SDK1: variants seen among roughly 807,000 people sequenced by gnomAD.
SDK1 encodes the protein sidekick cell adhesion molecule 1.
Under a neutral mutation model 245.5 loss-of-function variants are expected in SDK1, and 157 were observed. The ratio of observed to expected loss-of-function variants is 0.64; its 90% CI spans 0.56 to 0.73. The LOEUF is 0.73. Ranked by LOEUF, SDK1 falls within the 30% of genes least tolerant of loss-of-function variation. The pLI, the probability that SDK1 is intolerant of heterozygous loss-of-function variation, is 0.00. For missense variants in SDK1, 3,583 were observed against 3,002.3 expected, an observed-to-expected ratio of 1.19 and a Z score of -4.52; for synonymous variants, 1,647 against 1,278.5, an observed-to-expected ratio of 1.29 and a Z score of -6.15.
chr7:4,021,449 C>G (rs1786887334), intron 17 of SDK1, among the ~76,000 whole-genome samples: 1 of 152,144 alleles, frequency 6.6e-6, no homozygotes, highest in African/African-American at 2.4e-5. Flanking sequence ...GTGACAGGAG[C>G]TTAAACAAGA....
chr7:4,163,664 G>A (rs934056286), intron 32 of SDK1, among the ~76,000 whole-genome samples: 2 of 152,310 alleles, frequency 1.3e-5, no homozygotes, highest in South Asian at 4.1e-4. Context: ...TGGGCCGGGA[G>A]AGAGACGTGC....
At chr7:3,931,387 TC>T (rs1374179559) in intron 5 of SDK1, among the ~76,000 whole-genome samples, 1 of 152,200 alleles carries the variant, frequency 6.6e-6, no homozygotes, top group Non-Finnish European at 1.5e-5. Flanking sequence ...TTTTAGATGA[TC>T]AATTTCTTAT....
intron 42 of SDK1, among the ~76,000 whole-genome samples, chr7:4,238,485 C>T (rs1216299288): frequency 6.6e-6 from 1 of 151,968 alleles, no homozygotes; most frequent in East Asian, 1.9e-4. Context: ...ATCACCTGAG[C>T]CTAGGAGATC....
At chr7:4,148,134 C>T (rs1000604067) in intron 29 of SDK1, among the ~76,000 whole-genome samples, 2 of 152,094 alleles carry the variant, frequency 1.3e-5, no homozygotes, top group Non-Finnish European at 2.9e-5. Context: ...AAACGGGATA[C>T]GCTGGGCCAC....
At chr7:3,862,280 C>A (rs1011523210) in intron 5 of SDK1, among the ~76,000 whole-genome samples, 8 of 152,140 alleles carry the variant, frequency 5.3e-5, no homozygotes, top group Non-Finnish European at 7.4e-5. Context: ...GGAAGCAGGG[C>A]GCTAGTACCT....
intron 1 of SDK1, among the ~76,000 whole-genome samples, chr7:3,558,655 G>C (rs1779661044): frequency 6.6e-6 from 1 of 152,180 alleles, no homozygotes; most frequent in East Asian, 1.9e-4. Context: ...GCGACCGCTG[G>C]GATCCAGCAG....
intron 1 of SDK1, among the ~76,000 whole-genome samples, chr7:3,535,859 A>T (rs1314149116): frequency 6.6e-6 from 1 of 152,172 alleles, no homozygotes; most frequent in Non-Finnish European, 1.5e-5. Context: ...ATATTTGCAC[A>T]TAAATCATTA....
At chr7:3,754,601 C>T (rs6957538) in intron 4 of SDK1, among the ~76,000 whole-genome samples, 2 of 151,472 alleles carry the variant, frequency 1.3e-5, no homozygotes, top group Non-Finnish European at 2.9e-5. Context: ...CTCCTTCCTC[C>T]CATCTCTTCC....
chr7:4,264,840 G>T (rs987899088), intron 44 of SDK1, among the ~76,000 whole-genome samples: 1 of 152,186 alleles, frequency 6.6e-6, no homozygotes, highest in African/African-American at 2.4e-5. Flanking sequence ...CCTCTCCTGG[G>T]TGGAGGCCCA....
intron 4 of SDK1, among the ~76,000 whole-genome samples, chr7:3,743,453 G>T (rs1177009917): frequency 6.6e-6 from 1 of 152,178 alleles, no homozygotes; most frequent in Non-Finnish European, 1.5e-5. Context: ...TGGCAAGTTA[G>T]AGTGGACCTT....
intron 22 of SDK1, among the ~76,000 whole-genome samples, chr7:4,101,298 C>T (rs1293137384): frequency 6.6e-5 from 10 of 152,218 alleles, no homozygotes; most frequent in African/African-American, 9.6e-5. Context: ...CCCGCCACCA[C>T]ACCACGCCCG....
intron 2 of SDK1, among the ~76,000 whole-genome samples, chr7:3,638,759 A>C (rs1583257032): frequency 6.6e-6 from 1 of 151,786 alleles, no homozygotes; most frequent in Admixed American, 6.6e-5. Flanking sequence ...CGTTGTGCAC[A>C]TGTACCCTAA....
At chr7:3,669,077 A>G (rs938786804) in intron 4 of SDK1, among the ~76,000 whole-genome samples, 6 of 152,362 alleles carry the variant, frequency 3.9e-5, no homozygotes, top group East Asian at 3.9e-4. Context: ...AAAAGGACAC[A>G]TTCCAGGGAG....
rs1784688935 is a variant in SDK1 at position 3,699,804 on chromosome 7, G to A, written c.713+57699G>A. On this transcript the variant is annotated intron_variant, in intron 4 of 44. Transcript: ENST00000404826. Reference sequence around the variant, plus strand: ...TTGAAGAATTGTTCAAAGAAATAATGGTTAAAGATTTCCTGAATATGGCAT... The same window carrying A: ...TTGAAGAATTGTTCAAAGAAATAATAGTTAAAGATTTCCTGAATATGGCAT... 2.6e-5 allele frequency among the ~76,000 whole-genome samples: 4 copies of A among 152,068 alleles called. No individual in the cohort carries two copies. The South Asian group carries it at 8.3e-4, about 32-fold the overall frequency.
intron 1 of SDK1, among the ~76,000 whole-genome samples, chr7:3,333,803 C>G (rs920781677): frequency 7.2e-5 from 11 of 152,196 alleles, no homozygotes; most frequent in African/African-American, 2.7e-4. Flanking sequence ...AATTAAATTT[C>G]TTGGTGAATT....
chr7:3,898,135 G>A (rs1211863185), intron 5 of SDK1, among the ~76,000 whole-genome samples: 1 of 152,216 alleles, frequency 6.6e-6, no homozygotes, highest in Non-Finnish European at 1.5e-5. Flanking sequence ...AACCTGAGTT[G>A]AAGTGGCCTG....
At chr7:3,794,553 G>A (rs1445479409) in intron 4 of SDK1, among the ~76,000 whole-genome samples, 1 of 152,138 alleles carries the variant, frequency 6.6e-6, no homozygotes, top group African/African-American at 2.4e-5. Flanking sequence ...TATCATGGGA[G>A]TGAGACCAAT....
intron 5 of SDK1, among the ~76,000 whole-genome samples, chr7:3,874,363 C>T (rs1012921472): frequency 7.2e-5 from 11 of 152,180 alleles, no homozygotes; most frequent in African/African-American, 2.4e-4. Context: ...CTTGCAGCTC[C>T]CCTGCTGTAT....
At chr7:3,919,267 G>A (rs537052780) in intron 5 of SDK1, among the ~76,000 whole-genome samples, 2 of 152,318 alleles carry the variant, frequency 1.3e-5, no homozygotes, top group African/African-American at 4.8e-5. Context: ...TGCACAATTA[G>A]TTCCTCTGCC....
Sources: gnomAD v4.1 joint callset for allele counts (sites outside exome capture counted in the v4.1 genomes callset) on GRCh38, gnomAD v4.1.1 for gene constraint, MANE v1.5 for transcripts, NCBI Gene and HGNC (gene_info 2026-07-23, HGNC 2026-07-21) for gene names.